The following TRAPPC9 variants were observed in gnomAD, a reference collection of about 807,000 sequenced individuals.
The protein encoded by TRAPPC9 is trafficking protein particle complex subunit 9, also known as IKK2 binding protein.
TRAPPC9 carries 83 observed loss-of-function variants against 124.0 expected under a neutral mutation model. The observed-to-expected ratio is 0.67, with a 90% CI of 0.56 to 0.80. TRAPPC9 has a LOEUF of 0.80. Ranked by LOEUF, TRAPPC9 falls within the 30% of genes least tolerant of loss-of-function variation. The pLI is 0.00. For synonymous variants in TRAPPC9, 638 were observed against 617.5 expected (o/e 1.03, Z -0.49); for missense variants, 1,302 against 1,508.3 (o/e 0.86, Z 2.27).
At chr8:139,764,126 G>A (rs1820421409) in intron 21 of TRAPPC9, among the ~76,000 whole-genome samples, 1 of 152,164 alleles carries the variant, frequency 6.6e-6, no homozygotes, top group East Asian at 1.9e-4. Flanking sequence ...ACAGGTGTGG[G>A]GACTGTGTTG....
chr8:139,771,828 G>A (rs72683225), intron 21 of TRAPPC9, among the ~76,000 whole-genome samples: 7,017 of 152,268 alleles, frequency 0.046, 216 homozygotes, highest in South Asian at 0.12. Flanking sequence ...AGGCACCCTC[G>A]GCCTTTAGGG....
chr8:139,814,636 T>C (rs999001018), intron 21 of TRAPPC9, among the ~76,000 whole-genome samples: 3 of 152,036 alleles, frequency 2.0e-5, no homozygotes, highest in Non-Finnish European at 2.9e-5. Flanking sequence ...AGCCAATAAG[T>C]AGCAGGGCTA....
At chr8:139,840,552 G>A (rs569740128) in intron 21 of TRAPPC9, among the ~76,000 whole-genome samples, 2 of 152,210 alleles carry the variant, frequency 1.3e-5, no homozygotes, top group African/African-American at 4.8e-5. Context: ...CGAGGGTAGC[G>A]TGTTCCTGGA....
intron 14 of TRAPPC9, among the ~76,000 whole-genome samples, chr8:140,282,160 T>C (rs972107892): frequency 6.6e-5 from 10 of 152,160 alleles, no homozygotes; most frequent in Non-Finnish European, 1.0e-4. Context: ...AGACACATTT[T>C]ATAAAAATGG....
chr8:139,903,920 T>C (rs915307200), intron 20 of TRAPPC9, among the ~76,000 whole-genome samples: 4 of 152,106 alleles, frequency 2.6e-5, no homozygotes, highest in African/African-American at 9.7e-5. Context: ...CAGGTGCCTG[T>C]AGTCCCAGCT....
intron 21 of TRAPPC9, among the ~76,000 whole-genome samples, chr8:139,783,128 T>A (rs2130539437): frequency 6.6e-6 from 1 of 151,688 alleles, no homozygotes; most frequent in South Asian, 2.1e-4. Flanking sequence ...ACTTTATAAA[T>A]CAGGAATAGA....
intron 21 of TRAPPC9, among the ~76,000 whole-genome samples, chr8:139,866,740 G>C (rs1022205069): frequency 6.6e-6 from 1 of 152,116 alleles, no homozygotes; most frequent in Admixed American, 6.5e-5. Context: ...TGTTAAGGTG[G>C]ACAGACAGAA....
In TRAPPC9 at chr8:140,063,865, C is replaced by A. The variant is rs573721238; in HGVS notation, c.2557-39786G>T. Among the ~76,000 whole-genome samples, 88 of 152,244 alleles carry A rather than the reference C, an allele frequency of 5.8e-4. 1 individual carries two copies. The highest frequency in any genetic ancestry group is 1.0e-4 in the Non-Finnish European group (7 of 68,028). On this transcript the variant is annotated intron_variant, in intron 17 of 22. Transcript: ENST00000438773. The surrounding 1 kb of genome is among the most constrained non-coding windows in gnomAD (Gnocchi z 4.3). The stretch of plus-strand genomic sequence containing the variant: ...CACAATTTGCCCGCTTCCTATCACA[C>A]CCCTAAATGCAAGGCACACGGGTGG...
chr8:140,378,950 TG>T (rs1159247938), intron 7 of TRAPPC9, among the ~76,000 whole-genome samples: 1 of 152,118 alleles, frequency 6.6e-6, no homozygotes, highest in Non-Finnish European at 1.5e-5. Context: ...GGGATGGGGA[TG>T]GGGGGATTTT....
intron 17 of TRAPPC9, among the ~76,000 whole-genome samples, chr8:140,077,618 G>T (rs1045219087): frequency 6.6e-6 from 1 of 152,058 alleles, no homozygotes; most frequent in Non-Finnish European, 1.5e-5. Flanking sequence ...CCAAGGCCAA[G>T]TGGCTGGTCG....
intron 17 of TRAPPC9, among the ~76,000 whole-genome samples, chr8:140,052,197 C>G (rs906949798): frequency 1.3e-5 from 2 of 148,382 alleles, no homozygotes; most frequent in African/African-American, 5.2e-5. Context: ...TATCTCATCA[C>G]ACGGTATTCT....
rs1311501312 is a variant in TRAPPC9 at position 139,755,486 on chromosome 8, G to A, written c.3056-23284C>T. Among the ~76,000 whole-genome samples, 4 of 144,122 alleles carry A rather than the reference G, an allele frequency of 2.8e-5. No individual in the cohort carries two copies. In the East Asian group the frequency reaches 6.4e-4, roughly 23 times the overall value. The allele number at this position is 144,122 out of a possible 152,430, so 94.5% of individuals were successfully genotyped here. A position where few individuals can be genotyped will look rare whatever the true frequency, so the allele number is the denominator to read the frequency against. On this transcript the variant is annotated intron_variant, in intron 21 of 22. Coordinates refer to ENST00000438773, the MANE Select transcript of TRAPPC9 (RefSeq NM_001160372.4). The stretch of plus-strand genomic sequence containing the variant: ...GGATGAGGACAGCAGGTCCCAGGAG[G>A]AGCCAGGGTTGGGGTATAAGGACAG...
chr8:139,873,594 G>A (rs1054471968), intron 21 of TRAPPC9, among the ~76,000 whole-genome samples: 7 of 152,170 alleles, frequency 4.6e-5, no homozygotes, highest in Non-Finnish European at 7.4e-5. Flanking sequence ...TTTCCAAGGA[G>A]CTCACAGTCT....
At chr8:140,440,187 C>G (rs1196162559) in intron 2 of TRAPPC9, among the ~76,000 whole-genome samples, 2 of 152,178 alleles carry the variant, frequency 1.3e-5, no homozygotes, top group African/African-American at 4.8e-5. Context: ...CAGGATGGCC[C>G]CTGCTAACAG....
At chr8:139,895,096 C>T (rs566813244) in intron 20 of TRAPPC9, among the ~76,000 whole-genome samples, 49 of 152,336 alleles carry the variant, frequency 3.2e-4, no homozygotes, top group Non-Finnish European at 2.2e-4. Context: ...CGGCCACCCC[C>T]GGAGCCACTT....
chr8:140,057,805 T>A (rs946354269), intron 17 of TRAPPC9, among the ~76,000 whole-genome samples: 3 of 152,146 alleles, frequency 2.0e-5, no homozygotes, highest in East Asian at 1.9e-4. Context: ...CTCAAAAAAA[T>A]TTGTTAAAAA....
intron 19 of TRAPPC9, among the ~76,000 whole-genome samples, chr8:139,950,899 G>C (rs140489089): frequency 0.02 from 3,081 of 152,314 alleles, 101 homozygotes; most frequent in African/African-American, 0.068. Context: ...GGCAAGAGGA[G>C]GCGCGGCAGG....
At chr8:139,827,820 T>C (rs1018315808) in intron 21 of TRAPPC9, among the ~76,000 whole-genome samples, 2 of 152,098 alleles carry the variant, frequency 1.3e-5, no homozygotes, top group African/African-American at 4.8e-5. Context: ...ACAGGGAGCA[T>C]GGTACTGGCA....
chr8:139,932,905 T>TA (rs3060603), intron 19 of TRAPPC9: 3,012 of 153,200 alleles, frequency 0.02, 33 homozygotes, highest in Non-Finnish European at 0.023. Flanking sequence ...CATAAGCTGG[T>TA]AAAAAAAAAA....
Sources: allele counts gnomAD v4.1 joint callset (sites outside exome capture counted in the v4.1 genomes callset), GRCh38; gene constraint gnomAD v4.1.1; non-coding constraint Gnocchi (gnomAD v3.1); transcripts MANE v1.5; gene names NCBI Gene and HGNC (gene_info 2026-07-23, HGNC 2026-07-21).